ST18: variants seen among roughly 807,000 people sequenced by gnomAD.
The protein encoded by ST18 is suppression of tumorigenicity 18 protein.
A neutral mutation model predicts 110.0 loss-of-function variants in ST18; 50 were observed. The ratio of observed to expected loss-of-function variants is 0.45; its 90% CI spans 0.36 to 0.58. ST18 has a LOEUF of 0.58. Among genes scored for constraint, ST18 ranks in the 20% least tolerant of loss-of-function variants. The pLI is 0.00. For synonymous variants in ST18, 461 were observed against 452.4 expected, an observed-to-expected ratio of 1.02 and a Z score of -0.24; for missense variants, 1,306 against 1,280.1, an observed-to-expected ratio of 1.02 and a Z score of -0.31.
At chr8:52,150,077 G>T in intron 15 of ST18, 100 bp from the exon 16 acceptor site, 1 of 1,439,136 alleles carries the variant, frequency 6.9e-7, no homozygotes. Flanking sequence ...AAGCTTTTAT[G>T]TAAGTATATC....
chr8:52,132,355 A>G (rs1185965964), intron 21 of ST18, among the ~76,000 whole-genome samples, 176 bp from the exon 22 acceptor site: 1 of 152,234 alleles, frequency 6.6e-6, no homozygotes, highest in African/African-American at 2.4e-5. Context: ...ATCTCACTTA[A>G]TATTCACTAC....
intron 2 of ST18, among the ~76,000 whole-genome samples, chr8:52,250,661 C>CA (rs10640311): frequency 2.6e-3 from 367 of 142,010 alleles, no homozygotes; most frequent in Middle Eastern, 7.2e-3. Context: ...AATCACCATC[C>CA]AAAAAAAAAA....
At chr8:52,365,391 G>A (rs117923090) in intron 2 of ST18, among the ~76,000 whole-genome samples, 94 of 152,130 alleles carry the variant, frequency 6.2e-4, no homozygotes, top group Non-Finnish European at 1.2e-3. Flanking sequence ...CCCTGAAAAC[G>A]GAGGATATGT....
At chr8:52,337,798 G>T (rs1240653094) in intron 2 of ST18, among the ~76,000 whole-genome samples, 3 of 152,168 alleles carry the variant, frequency 2.0e-5, no homozygotes, top group South Asian at 4.1e-4. Flanking sequence ...AGATGCAGTG[G>T]GTGTACAAAA....
At chr8:52,349,869 T>G (rs1819460990) in intron 2 of ST18, among the ~76,000 whole-genome samples, 7 of 149,586 alleles carry the variant, frequency 4.7e-5, no homozygotes, top group African/African-American at 9.9e-5. Context: ...GGAGGGAGAG[T>G]AGGGGGTCAG....
chr8:52,397,448 T>C (rs139037296), intron 2 of ST18, among the ~76,000 whole-genome samples: 365 of 152,316 alleles, frequency 2.4e-3, no homozygotes, highest in African/African-American at 8.2e-3. Flanking sequence ...TGCAGCAACT[T>C]TCAGTTTGAT....
intron 2 of ST18, among the ~76,000 whole-genome samples, chr8:52,272,104 A>C (rs977998273): frequency 1.2e-4 from 18 of 152,332 alleles, no homozygotes; most frequent in African/African-American, 4.1e-4. Context: ...TAAAACTCCT[A>C]GAAGAAAACA....
intron 2 of ST18, among the ~76,000 whole-genome samples, chr8:52,252,173 A>T (rs1031951777): frequency 3.3e-5 from 5 of 152,084 alleles, no homozygotes; most frequent in African/African-American, 1.2e-4. Context: ...ATTCATTAAC[A>T]TTGTGAAAGC....
Position 52,388,608 on chromosome 8 carries a change from G to A in ST18, c.-465+20720C>T, listed in dbSNP as rs187390534. Among the ~76,000 whole-genome samples the A allele has an allele frequency of 3.5e-3, 528 of 152,146 alleles. 8 individuals are homozygous for A. The highest frequency in any genetic ancestry group is 0.022 in the Admixed American group (340 of 15,290). ...GGTGCTTGTTGAGTGATTTCGCACG[G>A]CGCACGATGGCGTAACGGTCAGCAG... On this transcript the variant is annotated intron_variant, in intron 2 of 25. Coordinates refer to ENST00000689386, the MANE Select transcript of ST18 (RefSeq NM_001352837.2).
intron 2 of ST18, among the ~76,000 whole-genome samples, chr8:52,293,537 G>T (rs757797740): frequency 6.6e-6 from 1 of 152,154 alleles, no homozygotes; most frequent in Non-Finnish European, 1.5e-5. Flanking sequence ...TCTGTCCCTC[G>T]GGTCAGTAGC....
At chr8:52,150,402 T>C (rs1411016399) in intron 15 of ST18, among the ~76,000 whole-genome samples, 1 of 152,226 alleles carries the variant, frequency 6.6e-6, no homozygotes, top group Non-Finnish European at 1.5e-5. Flanking sequence ...CATTTGTGTT[T>C]ATCAAAAGGC....
chr8:52,166,363 C>T (rs554884472), intron 11 of ST18, among the ~76,000 whole-genome samples: 19 of 152,268 alleles, frequency 1.2e-4, no homozygotes, highest in African/African-American at 3.9e-4. Context: ...CTTTACTGGG[C>T]GCTCACCCTC....
At chr8:52,256,733 C>T (rs1395564609) in intron 2 of ST18, among the ~76,000 whole-genome samples, 1 of 152,068 alleles carries the variant, frequency 6.6e-6, no homozygotes, top group Non-Finnish European at 1.5e-5. Flanking sequence ...TAATGAATAT[C>T]ATTATCATAG....
At chr8:52,353,395 T>A (rs1182753130) in intron 2 of ST18, among the ~76,000 whole-genome samples, 1 of 152,218 alleles carries the variant, frequency 6.6e-6, no homozygotes, top group Non-Finnish European at 1.5e-5. Context: ...CTATAAATAA[T>A]GTTGTAGAAA....
intron 2 of ST18, among the ~76,000 whole-genome samples, chr8:52,324,385 G>A (rs956209685): frequency 1.3e-5 from 2 of 152,144 alleles, no homozygotes; most frequent in African/African-American, 2.4e-5. Context: ...ACCAGATAGA[G>A]GTCTCAAGTG....
At chr8:52,381,298 A>G (rs1834421365) in intron 2 of ST18, among the ~76,000 whole-genome samples, 1 of 152,128 alleles carries the variant, frequency 6.6e-6, no homozygotes, top group Admixed American at 6.5e-5. Context: ...GTCTTCTCAG[A>G]TGATTCCAGA....
chr8:52,211,375 C>CT (rs1314350356), intron 8 of ST18, among the ~76,000 whole-genome samples: 4 of 127,900 alleles, frequency 3.1e-5, no homozygotes, highest in Non-Finnish European at 6.7e-5. Context: ...ATGGAATCAT[C>CT]TAATTATTAT....
At chr8:52,284,418 G>A (rs754685973) in intron 2 of ST18, among the ~76,000 whole-genome samples, 2 of 152,184 alleles carry the variant, frequency 1.3e-5, no homozygotes, top group East Asian at 1.9e-4. Context: ...ATTACCCAGC[G>A]TGTAAGCCCA....
intron 2 of ST18, among the ~76,000 whole-genome samples, chr8:52,332,904 C>A (rs1224647400): frequency 2.0e-5 from 3 of 152,198 alleles, no homozygotes; most frequent in East Asian, 3.9e-4. Flanking sequence ...TGCCTATGCA[C>A]AAGGCACATA....
Sources: gnomAD v4.1 joint callset for allele counts (sites outside exome capture counted in the v4.1 genomes callset) on GRCh38, gnomAD v4.1.1 for gene constraint, MANE v1.5 for transcripts, NCBI Gene and HGNC (gene_info 2026-07-23, HGNC 2026-07-21) for gene names.